Variants in EIF2AK2 observed in about 807,000 individuals in gnomAD.
EIF2AK2 encodes interferon-induced, double-stranded RNA-activated protein kinase.
In EIF2AK2, 40 loss-of-function variants were observed where a neutral mutation model predicts 70.5. That is an observed-to-expected ratio of 0.57 (90% CI 0.44 to 0.74). The LOEUF is 0.74. Ranked by LOEUF, EIF2AK2 falls within the 30% of genes least tolerant of loss-of-function variation. EIF2AK2 has a pLI of 0.00. For synonymous variants in EIF2AK2, 198 were observed against 220.9 expected, an observed-to-expected ratio of 0.90 and a Z score of 0.92; for missense variants, 555 against 644.3, an observed-to-expected ratio of 0.86 and a Z score of 1.50.
chr2:37,150,434 G>A (rs773782199), intron 1 of EIF2AK2, among the ~76,000 whole-genome samples: 1 of 151,138 alleles, frequency 6.6e-6, no homozygotes, highest in Non-Finnish European at 1.5e-5. Flanking sequence ...AATTTTTTTT[G>A]CATTTTTTTC....
chr2:37,135,332 T>G, intron 10 of EIF2AK2, 152 bp downstream of exon 10: 1 of 552,764 alleles, frequency 1.8e-6, no homozygotes, highest in South Asian at 4.2e-5. Flanking sequence ...CCCCTCTTAA[T>G]GATAAGCCTA....
intron 13 of EIF2AK2, among the ~76,000 whole-genome samples, chr2:37,119,567 ATATC>A (rs954817423): frequency 2.2e-4 from 34 of 151,596 alleles, no homozygotes; most frequent in African/African-American, 8.0e-4. Flanking sequence ...AAAAAAATAT[ATATC>A]TATCTATCTT....
chr2:37,152,515 C>T (rs1395022844), intron 1 of EIF2AK2, among the ~76,000 whole-genome samples: 2 of 152,034 alleles, frequency 1.3e-5, no homozygotes, highest in African/African-American at 4.8e-5. Flanking sequence ...TCCTGAACTC[C>T]AGTGATCCAC....
At chr2:37,139,820 T>A in intron 5 of EIF2AK2, 63 bp from the exon 6 acceptor site, 3 of 1,515,086 alleles carry the variant, frequency 2.0e-6, no homozygotes, top group Middle Eastern at 1.9e-4. Context: ...CAACTTAGGA[T>A]TCAAAAAAAA....
At position 37,099,382 on chromosome 2, in the gene EIF2AK2, C is replaced by A. The variant is rs1344151780; in HGVS notation, c.*7891G>T. 1.3e-5 allele frequency: 2 copies of A among 152,122 alleles called. No homozygotes were observed. The highest frequency in any genetic ancestry group is 2.9e-5 in the Non-Finnish European group (2 of 68,020). 9.4% of individuals were successfully genotyped at this position (152,122 alleles called of 1,614,324 possible). On this transcript the variant is annotated 3_prime_UTR_variant, in exon 17 of 17. Coordinates refer to ENST00000233057, the MANE Select transcript of EIF2AK2 (RefSeq NM_001135651.3). ...AGTGCACTCACTACTTTCTGGTATA[C>A]AAGAAGAACAGCTTGTCCCCACTCT...
intron 12 of EIF2AK2, among the ~76,000 whole-genome samples, chr2:37,121,333 T>G (rs1674543495): frequency 6.7e-6 from 1 of 149,824 alleles, no homozygotes; most frequent in African/African-American, 2.4e-5. Flanking sequence ...GCTGAAGATC[T>G]GCAATCACCA....
chr2:37,134,179 G>C (rs1211364125), intron 10 of EIF2AK2, among the ~76,000 whole-genome samples: 1 of 152,078 alleles, frequency 6.6e-6, no homozygotes, highest in Non-Finnish European at 1.5e-5. Context: ...CTGACAGTCT[G>C]GTTGGCGATT....
At chr2:37,148,762 T>A in intron 2 of EIF2AK2, 95 bp downstream of exon 2, 1 of 828,052 alleles carries the variant, frequency 1.2e-6, no homozygotes, top group Non-Finnish European at 2.1e-6. Flanking sequence ...GTGACCCATT[T>A]AACATACACA....
Position 37,103,532 on chromosome 2 carries a change from G to A in EIF2AK2, c.*3741C>T, listed in dbSNP as rs1673880370. The A allele has an allele frequency of 6.6e-6, 1 of 152,092 alleles. No homozygotes were observed. The highest frequency in any genetic ancestry group is 6.5e-5 in the Admixed American group (1 of 15,272). The allele number at this position is 152,092 out of a possible 1,614,324, so 9.4% of individuals were successfully genotyped here. A position where few individuals can be genotyped will look rare whatever the true frequency, so the allele number is the denominator to read the frequency against. ...ATTAAAATGAGGTCAGTAAAGATAAGGCTACATTCTCACTAACTGGCCACA... is the reference window on the plus strand; with the variant it reads ...ATTAAAATGAGGTCAGTAAAGATAAAGCTACATTCTCACTAACTGGCCACA... On this transcript the variant is annotated 3_prime_UTR_variant, in exon 17 of 17. Transcript: ENST00000233057.
At chr2:37,135,789 C>T (rs1356857793) in intron 9 of EIF2AK2, among the ~76,000 whole-genome samples, 1 of 152,116 alleles carries the variant, frequency 6.6e-6, no homozygotes, top group Non-Finnish European at 1.5e-5. Context: ...TGCCACCATA[C>T]CTGGCTAATT....
intron 12 of EIF2AK2, 74 bp from the exon 13 acceptor site, chr2:37,120,213 A>G (rs1221371732): frequency 2.0e-6 from 2 of 1,015,260 alleles, no homozygotes; most frequent in African/African-American, 1.7e-5. Context: ...ATAACTTTTT[A>G]AAGTTTTTCA....
At chr2:37,141,906 A>G (rs967731821) in intron 4 of EIF2AK2, among the ~76,000 whole-genome samples, 20 of 152,200 alleles carry the variant, frequency 1.3e-4, no homozygotes, top group African/African-American at 4.8e-4. Flanking sequence ...GATTTTAACA[A>G]TAGGAAAGAA....
intron 12 of EIF2AK2, among the ~76,000 whole-genome samples, chr2:37,121,088 C>T (rs536300993): frequency 6.7e-6 from 1 of 148,780 alleles, no homozygotes; most frequent in East Asian, 1.9e-4. Flanking sequence ...ACGGTGAAAT[C>T]CCGTCTCTAC....
At chr2:37,134,632 T>C (rs1359308062) in intron 10 of EIF2AK2, among the ~76,000 whole-genome samples, 5 of 152,218 alleles carry the variant, frequency 3.3e-5, no homozygotes, top group African/African-American at 9.6e-5. Flanking sequence ...ATCGCTACTA[T>C]AGTGGGTGTC....
intron 14 of EIF2AK2, among the ~76,000 whole-genome samples, chr2:37,111,876 AAAATATATATATAT>A (rs1336480514): frequency 2.2e-5 from 1 of 46,140 alleles, no homozygotes; most frequent in African/African-American, 7.1e-5. Flanking sequence ...AAAAAAAAAA[AAAATATATATATAT>A]ATATATATAT....
At chr2:37,122,727 C>G in intron 11 of EIF2AK2, 63 bp from the exon 12 acceptor site, 1 of 1,592,602 alleles carries the variant, frequency 6.3e-7, no homozygotes, top group Non-Finnish European at 8.6e-7. Flanking sequence ...AACCACAAAA[C>G]ACCTCATGTA....
rs1364727017 is a variant in EIF2AK2, at chr2:37,105,865, G to C, written c.*1408C>G. ...GGCATATAGTTGGAAGGCCCACTGG[G>C]CTGTCACTTCTAGCCCTGTGCTCAG... is the stretch of plus-strand genomic sequence containing the variant. On this transcript the variant is annotated 3_prime_UTR_variant, in exon 17 of 17. Transcript: ENST00000233057. The C allele has an allele frequency of 6.6e-6, 1 of 152,190 alleles. No individual in the cohort carries two copies. Among genetic ancestry groups the C allele is most frequent in the Non-Finnish European group, 1.5e-5 (1 of 68,062 alleles). The allele number at this position is 152,190 out of a possible 1,614,324, so 9.4% of individuals were successfully genotyped here.
intron 1 of EIF2AK2, among the ~76,000 whole-genome samples, chr2:37,150,499 A>T (rs577808918): frequency 6.6e-6 from 1 of 152,292 alleles, no homozygotes; most frequent in East Asian, 1.9e-4. Flanking sequence ...TTTAAAGGTC[A>T]TGGAACAATC....
intron 4 of EIF2AK2, among the ~76,000 whole-genome samples, chr2:37,145,880 G>C (rs1326853025): frequency 2.7e-5 from 4 of 146,324 alleles, no homozygotes; most frequent in African/African-American, 1.0e-4. Flanking sequence ...AGCCTCCCAA[G>C]TAGCTGGGAT....
Sources: gnomAD v4.1 joint callset for allele counts (sites outside exome capture counted in the v4.1 genomes callset) on GRCh38, gnomAD v4.1.1 for gene constraint, MANE v1.5 for transcripts, NCBI Gene and HGNC (gene_info 2026-07-23, HGNC 2026-07-21) for gene names.